The following MACROD2 variants were observed in gnomAD, a reference collection of about 807,000 sequenced individuals.
MACROD2 encodes the protein ADP-ribose glycohydrolase MACROD2.
Under a neutral mutation model 70.4 loss-of-function variants are expected in MACROD2, and 36 were observed. The ratio of observed to expected loss-of-function variants is 0.51; its 90% CI spans 0.39 to 0.68. MACROD2 has a LOEUF of 0.68. MACROD2 is among the 30% of genes least tolerant of loss of function. The pLI is 0.00. For synonymous variants in MACROD2, 172 were observed against 178.8 expected, an observed-to-expected ratio of 0.96 and a Z score of 0.30; for missense variants, 496 against 538.4, an observed-to-expected ratio of 0.92 and a Z score of 0.78.
At chr20:14,460,558 G>A (rs924045113) in intron 3 of MACROD2, among the ~76,000 whole-genome samples, 7 of 152,138 alleles carry the variant, frequency 4.6e-5, no homozygotes, top group South Asian at 2.1e-4. Flanking sequence ...TTGGCTGTGG[G>A]TTTGTCATAA....
intron 5 of MACROD2, among the ~76,000 whole-genome samples, chr20:15,130,646 C>T (rs533358618): frequency 6.6e-6 from 1 of 152,118 alleles, no homozygotes; most frequent in South Asian, 2.1e-4. Context: ...AGCTAATTAA[C>T]TTTTGCAATA....
intron 4 of MACROD2, among the ~76,000 whole-genome samples, chr20:14,546,759 A>T (rs2085495316): frequency 6.6e-6 from 1 of 152,142 alleles, no homozygotes; most frequent in East Asian, 1.9e-4. Context: ...CCATAGGGTC[A>T]TAATTATACT....
intron 5 of MACROD2, among the ~76,000 whole-genome samples, chr20:14,730,736 C>T (rs2123701602): frequency 6.6e-6 from 1 of 152,056 alleles, no homozygotes; most frequent in East Asian, 1.9e-4. Context: ...ATAATATTGA[C>T]TGTATAAACC....
chr20:15,307,188 T>C (rs2077706247), intron 6 of MACROD2, among the ~76,000 whole-genome samples: 1 of 152,154 alleles, frequency 6.6e-6, no homozygotes, highest in South Asian at 2.1e-4. Flanking sequence ...ACCAAAGCTC[T>C]ATGCTGATCT....
intron 8 of MACROD2, among the ~76,000 whole-genome samples, chr20:15,857,612 AC>A (rs1483600157): frequency 4.6e-5 from 7 of 152,188 alleles, no homozygotes; most frequent in African/African-American, 1.7e-4. Flanking sequence ...CCTTCCTGGC[AC>A]AAAGTCTCTG....
chr20:14,954,675 A>G (rs2074505749), intron 5 of MACROD2, among the ~76,000 whole-genome samples: 1 of 126,348 alleles, frequency 7.9e-6, no homozygotes, highest in Non-Finnish European at 1.6e-5. Flanking sequence ...TACATATAAT[A>G]TATTTATATT....
At chr20:14,049,497 T>A (rs571337792) in intron 2 of MACROD2, among the ~76,000 whole-genome samples, 13 of 151,764 alleles carry the variant, frequency 8.6e-5, no homozygotes, top group African/African-American at 2.9e-4. Context: ...TCCCAGCACT[T>A]TGGGAGGCCG....
chr20:15,003,912 T>A (rs890384738), intron 5 of MACROD2, among the ~76,000 whole-genome samples: 1 of 152,172 alleles, frequency 6.6e-6, no homozygotes, highest in Non-Finnish European at 1.5e-5. Flanking sequence ...TTTTTTTGCA[T>A]GTCTGACACC....
chr20:15,884,474 C>G (rs1339606305), intron 9 of MACROD2, among the ~76,000 whole-genome samples: 1 of 151,880 alleles, frequency 6.6e-6, no homozygotes, highest in African/African-American at 2.4e-5. Flanking sequence ...TGAGTGTTAT[C>G]GGGAAGAGTC....
chr20:14,174,484 A>G (rs2081247745), intron 3 of MACROD2, among the ~76,000 whole-genome samples: 1 of 152,138 alleles, frequency 6.6e-6, no homozygotes. Context: ...CCCAGCTCCC[A>G]TACAGCCCAA....
intron 6 of MACROD2, among the ~76,000 whole-genome samples, chr20:15,256,778 A>G (rs769333696): frequency 3.9e-4 from 59 of 152,052 alleles, no homozygotes; most frequent in Non-Finnish European, 1.0e-4. Flanking sequence ...GTATACTTGG[A>G]TTTATTTGGA....
rs6079391 is a variant in MACROD2, at chr20:14,326,307, G to T, written c.272-167172G>T. 719,078 of 1,613,598 alleles carry T rather than the reference G, an allele frequency of 0.45. 168,244 individuals are homozygous for T. The highest frequency in any genetic ancestry group is 0.49 in the Non-Finnish European group (572,410 of 1,179,754). On this transcript the variant is annotated intron_variant, in intron 3 of 17. Transcript: ENST00000684519. The surrounding 1 kb of genome is among the most constrained non-coding windows in gnomAD (Gnocchi z 5.5). ...TTCTTGAGGGACTCCCTGTGGTTTG[G>T]TGATCCTTAGTGAGCTTGGGGTTCT...
At chr20:14,609,377 A>G (rs1983016105) in intron 4 of MACROD2, among the ~76,000 whole-genome samples, 1 of 152,110 alleles carries the variant, frequency 6.6e-6, no homozygotes, top group African/African-American at 2.4e-5. Flanking sequence ...ACAAATGGGA[A>G]GGTTATGCTG....
intron 5 of MACROD2, among the ~76,000 whole-genome samples, chr20:14,904,146 G>A (rs553241947): frequency 3.7e-4 from 57 of 152,244 alleles, no homozygotes; most frequent in Admixed American, 8.5e-4. Flanking sequence ...GTAGGCTCCT[G>A]AATGGGTTAC....
At chr20:14,534,174 G>T (rs2423805) in intron 4 of MACROD2, among the ~76,000 whole-genome samples, 1 of 151,946 alleles carries the variant, frequency 6.6e-6, no homozygotes, top group Non-Finnish European at 1.5e-5. Context: ...TAAAACACAG[G>T]AAGGGCCACA....
chr20:14,838,909 G>C (rs1421192821), intron 5 of MACROD2, among the ~76,000 whole-genome samples: 9 of 151,996 alleles, frequency 5.9e-5, no homozygotes, highest in Admixed American at 5.9e-4. Flanking sequence ...AACTGAGCAG[G>C]AGACATAGAA....
At chr20:14,607,135 G>C (rs1260381672) in intron 4 of MACROD2, among the ~76,000 whole-genome samples, 1 of 152,098 alleles carries the variant, frequency 6.6e-6, no homozygotes, top group Non-Finnish European at 1.5e-5. Context: ...CTTCTGCATA[G>C]CTAACCCCTT....
chr20:15,343,765 C>A (rs2078134704), intron 6 of MACROD2, among the ~76,000 whole-genome samples: 1 of 152,094 alleles, frequency 6.6e-6, no homozygotes, highest in African/African-American at 2.4e-5. Flanking sequence ...TCAAAGATTC[C>A]AGAATACCAG....
At chr20:14,625,153 C>T (rs139133679) in intron 4 of MACROD2, among the ~76,000 whole-genome samples, 27 of 151,932 alleles carry the variant, frequency 1.8e-4, no homozygotes, top group African/African-American at 6.3e-4. Flanking sequence ...AACATGAAAC[C>T]CCGTCTCTAC....
Sources: gnomAD v4.1 joint callset for allele counts (sites outside exome capture counted in the v4.1 genomes callset) on GRCh38, gnomAD v4.1.1 for gene constraint, Gnocchi (gnomAD v3.1) non-coding constraint, MANE v1.5 for transcripts, NCBI Gene and HGNC (gene_info 2026-07-23, HGNC 2026-07-21) for gene names.